The following UQCC3 variants were observed in gnomAD, a reference collection of about 807,000 sequenced individuals.
UQCC3 encodes the protein ubiquinol-cytochrome c reductase complex assembly factor 3, also known as ubiquinol-cytochrome-c reductase complex assembly factor 3.
A neutral mutation model predicts 3.4 loss-of-function variants in UQCC3; 3 were observed. That is an observed-to-expected ratio of 0.88 (90% CI 0.40 to 2.26). UQCC3 has a LOEUF of 2.26. Ranked by LOEUF, UQCC3 falls within the 30% of genes most tolerant of loss-of-function variation. The probability of loss-of-function intolerance (pLI) is 0.05; values close to 1 mark genes in which losing one functional copy is unlikely to be tolerated. For synonymous variants in UQCC3, 57 were observed against 57.1 expected (o/e 1.00, Z 0.00); for missense variants, 141 against 123.0 (o/e 1.15, Z -0.69).
At position 62,672,073 on chromosome 11, in the gene UQCC3, AT is replaced by A. The variant is rs1565131643; in HGVS notation, c.242del (p.Met81ArgfsTer57). The A allele has an allele frequency of 6.2e-7, 1 of 1,605,760 alleles. No individual in the cohort carries two copies. The highest frequency in any genetic ancestry group is 1.3e-5 in the African/African-American group (1 of 74,922). On this transcript the variant is annotated frameshift_variant, in exon 2 of 2. Coordinates refer to ENST00000377953, the MANE Select transcript of UQCC3 (RefSeq NM_001085372.3). LOFTEE classifies it low-confidence loss of function (END_TRUNC). ...GAACGTGGCCTGGAGGAAGAACTGGATGGTTGGCGGCGAAGGCGGCGCCGGC... is the reference window on the plus strand; with the variant it reads ...GAACGTGGCCTGGAGGAAGAACTGGAGGTTGGCGGCGAAGGCGGCGCCGGC... ...QENVAWRKNW[M>X]VGGEGGAGGR...
chr11:62,672,411 T>C lies in UQCC3; in HGVS notation c.*297T>C. The C allele has an allele frequency of 2.3e-6, 1 of 433,320 alleles. No homozygotes were observed. Among genetic ancestry groups the C allele is most frequent in the Non-Finnish European group, 4.2e-6 (1 of 237,474 alleles). 26.8% of individuals were successfully genotyped at this position (433,320 alleles called of 1,614,324 possible). A position where few individuals can be genotyped will look rare whatever the true frequency, so the allele number is the denominator to read the frequency against. Reference sequence around the variant, plus strand: ...CCTGCAGTCGACACCTACCAATGCTTAGAGACGCGTGGTCGGTGCTGGGGG... The same window carrying C: ...CCTGCAGTCGACACCTACCAATGCTCAGAGACGCGTGGTCGGTGCTGGGGG... On this transcript the variant is annotated 3_prime_UTR_variant, in exon 2 of 2. Coordinates refer to ENST00000377953, the MANE Select transcript of UQCC3 (RefSeq NM_001085372.3).
In UQCC3 at chr11:62,672,126, C is replaced by G; in HGVS notation, c.*12C>G. On this transcript the variant is annotated 3_prime_UTR_variant, in exon 2 of 2. Coordinates refer to ENST00000377953, the MANE Select transcript of UQCC3 (RefSeq NM_001085372.3). ...GGAGGTCACCGTGAGACCGGACTTGCCTCCGTGGGCGCCGGACCTTGGCTT... is the reference window on the plus strand; with the variant it reads ...GGAGGTCACCGTGAGACCGGACTTGGCTCCGTGGGCGCCGGACCTTGGCTT... The G allele has an allele frequency of 6.4e-7, 1 of 1,559,400 alleles. No individual in the cohort carries two copies. Among genetic ancestry groups the G allele is most frequent in the Non-Finnish European group, 8.7e-7 (1 of 1,153,666 alleles).
At position 62,672,085 on chromosome 11, in the gene UQCC3, G is replaced by T; in HGVS notation, c.253G>T (p.Glu85Ter). 1 of 1,599,042 alleles carries T rather than the reference G, an allele frequency of 6.3e-7. No individual in the cohort carries two copies. Among genetic ancestry groups the T allele is most frequent in the Middle Eastern group, 1.7e-4 (1 of 5,726 alleles). Residue 85 changes from glutamate (E) to a stop codon, truncating the protein, a stop_gained, in exon 2 of 2, where the codon GAA becomes TAA. Transcript: ENST00000377953. LOFTEE classifies it high-confidence loss of function. ...AWRKNWMVGG[E>*]GGAGGRSP The stretch of plus-strand genomic sequence containing the variant: ...GAGGAAGAACTGGATGGTTGGCGGC[G>T]AAGGCGGCGCCGGCGGGAGGTCACC...
In UQCC3 at chr11:62,671,831, C is replaced by A; in HGVS notation, c.86C>A (p.Thr29Asn). ...GGCTACGCGCTCCTCGTTATCGTGA[C>A]CCCGGGAGAGCGGCGGAAGCAGGAA... ...GVGYALLVIV[T>N]PGERRKQEML... The change falls in exon 1 of 2, where the codon ACC becomes AAC. Residue 29 changes from threonine to asparagine, a missense_variant. By Grantham distance (65) the Thr-to-Asn change is moderately conservative. Transcript: ENST00000377953. 1.2e-6 allele frequency: 2 copies of A among 1,614,116 alleles called. No individual in the cohort carries two copies. Among genetic ancestry groups the A allele is most frequent in the Non-Finnish European group, 1.7e-6 (2 of 1,180,022 alleles).
Position 62,673,272 on chromosome 11 carries a change from C to T in UQCC3, c.*1158C>T, listed in dbSNP as rs553885975. Reference sequence around the variant, plus strand: ...CCTTGGAGCGAGATTGGAGGGGCATCTAGCACTTAACATATGCCACAATGC... The same window carrying T: ...CCTTGGAGCGAGATTGGAGGGGCATTTAGCACTTAACATATGCCACAATGC... On this transcript the variant is annotated 3_prime_UTR_variant, in exon 2 of 2. Transcript: ENST00000377953. The T allele has an allele frequency of 2.0e-5, 3 of 152,306 alleles. No homozygotes were observed. Among genetic ancestry groups the T allele is most frequent in the African/African-American group, 7.2e-5 (3 of 41,572 alleles). 9.4% of individuals were successfully genotyped at this position (152,306 alleles called of 1,614,324 possible).
rs2134664391 is a variant in UQCC3 at position 62,673,479 on chromosome 11, A to G, written c.*1365A>G. On this transcript the variant is annotated 3_prime_UTR_variant, in exon 2 of 2. Coordinates refer to ENST00000377953, the MANE Select transcript of UQCC3 (RefSeq NM_001085372.3). ...TTGTAAAACATTAATTTAGAAATGT[A>G]AAGTGGTCCCCAATCTCTGGATCTG... The G allele has an allele frequency of 6.6e-6, 1 of 152,274 alleles. No homozygotes were observed. Among genetic ancestry groups the G allele is most frequent in the Non-Finnish European group, 1.5e-5 (1 of 68,032 alleles). 9.4% of individuals were successfully genotyped at this position (152,274 alleles called of 1,614,324 possible).
At position 62,671,891 on chromosome 11, in the gene UQCC3, A is replaced by C. The variant is rs762737973; in HGVS notation, c.120+26A>C. On this transcript the variant is annotated intron_variant, in intron 1 of 1. Coordinates refer to ENST00000377953, the MANE Select transcript of UQCC3 (RefSeq NM_001085372.3). ...GTAGAAGCAACTGGTAGTCCCGAGG[A>C]AGGGTGGGCGGGTGGAGAGCCCCGG... is the stretch of plus-strand genomic sequence containing the variant. The C allele has an allele frequency of 2.5e-6, 4 of 1,613,606 alleles. No homozygotes were observed. The East Asian group carries it at 8.9e-5, about 36-fold the overall frequency.
Position 62,671,759 on chromosome 11 carries a change from G to A in UQCC3, c.14G>A (p.Arg5Gln), listed in dbSNP as rs763381052. 8 of 1,613,820 alleles carry A rather than the reference G, an allele frequency of 5.0e-6. No individual in the cohort carries two copies. Among genetic ancestry groups the A allele is most frequent in the Non-Finnish European group, 6.8e-6 (8 of 1,179,894 alleles). Reference protein sequence around the residue: MDSLRKMLISVAMLG... With the variant: MDSLQKMLISVAMLG... ...GTGCAGGCGGCCATGGATTCCTTGC[G>A]GAAAATGCTGATCTCAGTCGCAATG... The change falls in exon 1 of 2, where the codon CGG becomes CAG. Residue 5 changes from arginine (R) to glutamine (Q), a missense_variant. Physicochemically the swap from Arg to Gln is conservative, Grantham distance 43. Transcript: ENST00000377953.
In UQCC3 at chr11:62,672,184, C is replaced by T. The variant is rs1944957707; in HGVS notation, c.*70C>T. On this transcript the variant is annotated 3_prime_UTR_variant, in exon 2 of 2. Transcript: ENST00000377953. ...GGAATCCGAGGCAGCCTTTCTCCTTCGTGGGCCCAGCGGAGAGTCCGGACC... is the reference window on the plus strand; with the variant it reads ...GGAATCCGAGGCAGCCTTTCTCCTTTGTGGGCCCAGCGGAGAGTCCGGACC... 4 of 1,463,216 alleles carry T rather than the reference C, an allele frequency of 2.7e-6. No individual in the cohort carries two copies. The highest frequency in any genetic ancestry group is 4.9e-5 in the East Asian group (2 of 40,640). The allele number at this position is 1,463,216 out of a possible 1,614,324, so 90.6% of individuals were successfully genotyped here.
intron 1 of UQCC3, 32 bp from the exon 2 acceptor site, chr11:62,671,921 G>A: frequency 6.2e-7 from 1 of 1,613,154 alleles, no homozygotes; most frequent in Non-Finnish European, 8.5e-7. Flanking sequence ...CCCCGGACTG[G>A]AGCTCCTGCG....
At position 62,672,871 on chromosome 11, in the gene UQCC3, C is replaced by A. The variant is rs867694787; in HGVS notation, c.*757C>A. The A allele has an allele frequency of 2.6e-5, 4 of 152,296 alleles. No individual in the cohort carries two copies. Among genetic ancestry groups the A allele is most frequent in the African/African-American group, 9.7e-5 (4 of 41,404 alleles). The allele number at this position is 152,296 out of a possible 1,614,324, so 9.4% of individuals were successfully genotyped here. A position where few individuals can be genotyped will look rare whatever the true frequency, so the allele number is the denominator to read the frequency against. On this transcript the variant is annotated 3_prime_UTR_variant, in exon 2 of 2. Transcript: ENST00000377953. ...TCACCCAGGCAGGAGTGCAGTGGCG[C>A]AATCTTGGCTCACTGCAACCTCTGC...
chr11:62,672,261 C>T lies in UQCC3; in HGVS notation c.*147C>T, dbSNP rs1271397391. On this transcript the variant is annotated 3_prime_UTR_variant, in exon 2 of 2. Coordinates refer to ENST00000377953, the MANE Select transcript of UQCC3 (RefSeq NM_001085372.3). ...GTCCTGTGAGCTGCCGTCGGGTGAG[C>T]ACGTTTCCCCCAAACCCTGGACTGA... 2.0e-5 allele frequency: 17 copies of T among 833,908 alleles called. No homozygotes were observed. The highest frequency in any genetic ancestry group is 3.1e-5 in the Non-Finnish European group (17 of 544,182). 51.7% of individuals were successfully genotyped at this position (833,908 alleles called of 1,614,324 possible). A position where few individuals can be genotyped will look rare whatever the true frequency, so the allele number is the denominator to read the frequency against.
rs964018752 is a variant in UQCC3 at position 62,672,295 on chromosome 11, A to T, written c.*181A>T. The stretch of plus-strand genomic sequence containing the variant: ...CCCAAACCCTGGACTGACTGCTTTA[A>T]GGTCCGCAAGGCGGGCCAGGGCCGA... On this transcript the variant is annotated 3_prime_UTR_variant, in exon 2 of 2. Transcript: ENST00000377953. 3.0e-6 allele frequency: 2 copies of T among 661,862 alleles called. No individual in the cohort carries two copies. The highest frequency in any genetic ancestry group is 3.6e-5 in the African/African-American group (2 of 55,032). 41.0% of individuals were successfully genotyped at this position (661,862 alleles called of 1,614,324 possible).
chr11:62,672,157 C>T lies in UQCC3; in HGVS notation c.*43C>T. 6.5e-7 allele frequency: 1 copy of T among 1,534,270 alleles called. No homozygotes were observed. The highest frequency in any genetic ancestry group is 2.2e-4 in the Middle Eastern group (1 of 4,462). ...TGGGCGCCGGACCTTGGCTTGGGCG[C>T]AGGAATCCGAGGCAGCCTTTCTCCT... is the stretch of plus-strand genomic sequence containing the variant. On this transcript the variant is annotated 3_prime_UTR_variant, in exon 2 of 2. Transcript: ENST00000377953.
chr11:62,671,844 G>A lies in UQCC3; in HGVS notation c.99G>A (p.Arg33=). 1.1e-5 allele frequency: 18 copies of A among 1,614,136 alleles called. No homozygotes were observed. Among genetic ancestry groups the A allele is most frequent in the Non-Finnish European group, 1.5e-5 (18 of 1,180,024 alleles). The part of the protein sequence containing the change: ...ALLVIVTPGE[R]RKQEMLKEMP... ...TCGTTATCGTGACCCCGGGAGAGCG[G>A]CGGAAGCAGGAAATGCTAAAGGTAG... Residue 33 remains arginine (R), a synonymous_variant, in exon 1 of 2, where the codon CGG becomes CGA. Coordinates refer to ENST00000377953, the MANE Select transcript of UQCC3 (RefSeq NM_001085372.3).
chr11:62,672,975 ATAT>A lies in UQCC3; in HGVS notation c.*864_*866del. 6.6e-6 allele frequency: 1 copy of A among 151,996 alleles called. No individual in the cohort carries two copies. Among genetic ancestry groups the A allele is most frequent in the East Asian group, 1.9e-4 (1 of 5,184 alleles). 9.4% of individuals were successfully genotyped at this position (151,996 alleles called of 1,614,324 possible). Reference sequence around the variant, plus strand: ...AGGCGTCCGCAACCACGCCCGGCTGATATTAGTAGTTTTAGTAGAGGCGGGTTT... The same window carrying A: ...AGGCGTCCGCAACCACGCCCGGCTGATAGTAGTTTTAGTAGAGGCGGGTTT... On this transcript the variant is annotated 3_prime_UTR_variant, in exon 2 of 2. Coordinates refer to ENST00000377953, the MANE Select transcript of UQCC3 (RefSeq NM_001085372.3).
In UQCC3 at chr11:62,673,194, C is replaced by G. The variant is rs912919473; in HGVS notation, c.*1080C>G. The G allele has an allele frequency of 6.6e-6, 1 of 152,210 alleles. No homozygotes were observed. Among genetic ancestry groups the G allele is most frequent in the African/African-American group, 2.4e-5 (1 of 41,450 alleles). 9.4% of individuals were successfully genotyped at this position (152,210 alleles called of 1,614,324 possible). On this transcript the variant is annotated 3_prime_UTR_variant, in exon 2 of 2. Transcript: ENST00000377953. ...GGGACATTCTTGAAATCTGAACTATCCTGGGAAGTCTTGAAGTAATGGATG... is the reference window on the plus strand; with the variant it reads ...GGGACATTCTTGAAATCTGAACTATGCTGGGAAGTCTTGAAGTAATGGATG...
chr11:62,673,568 A>T lies in UQCC3; in HGVS notation c.*1454A>T, dbSNP rs891322734. On this transcript the variant is annotated 3_prime_UTR_variant, in exon 2 of 2. Transcript: ENST00000377953. ...AAGTGGGGTCAAAGCCCCACAGCCT[A>T]GTCAACCAAGTTGCTCCTCTTTTGT... The T allele has an allele frequency of 2.0e-5, 3 of 152,138 alleles. No individual in the cohort carries two copies. Among genetic ancestry groups the T allele is most frequent in the Non-Finnish European group, 2.9e-5 (2 of 68,028 alleles). 9.4% of individuals were successfully genotyped at this position (152,138 alleles called of 1,614,324 possible).
At position 62,673,146 on chromosome 11, in the gene UQCC3, A is replaced by C. The variant is rs1340997872; in HGVS notation, c.*1032A>C. ...AACAGGTCATGTGGTGTCAGGTTGGAGTGTACTTCCAGGGATAACCGTGGG... is the reference window on the plus strand; with the variant it reads ...AACAGGTCATGTGGTGTCAGGTTGGCGTGTACTTCCAGGGATAACCGTGGG... On this transcript the variant is annotated 3_prime_UTR_variant, in exon 2 of 2. Coordinates refer to ENST00000377953, the MANE Select transcript of UQCC3 (RefSeq NM_001085372.3). 2 of 152,224 alleles carry C rather than the reference A, an allele frequency of 1.3e-5. No homozygotes were observed. Among genetic ancestry groups the C allele is most frequent in the African/African-American group, 4.8e-5 (2 of 41,426 alleles). The allele number at this position is 152,224 out of a possible 1,614,324, so 9.4% of individuals were successfully genotyped here. A position where few individuals can be genotyped will look rare whatever the true frequency, so the allele number is the denominator to read the frequency against.
Sources: allele counts gnomAD v4.1 joint callset, GRCh38; gene constraint gnomAD v4.1.1; transcripts MANE v1.5; gene names NCBI Gene and HGNC (gene_info 2026-07-23, HGNC 2026-07-21).